The following PSMB7 variants were observed in gnomAD, a reference collection of about 807,000 sequenced individuals.
The protein encoded by PSMB7 is proteasome 20S subunit beta 7.
PSMB7 carries 5 observed loss-of-function variants against 28.1 expected under a neutral mutation model. The ratio of observed to expected loss-of-function variants is 0.18; its 90% CI spans 0.09 to 0.37. PSMB7 has a LOEUF of 0.37. Among genes scored for constraint, PSMB7 ranks in the 10% least tolerant of loss-of-function variants. The probability of loss-of-function intolerance (pLI) is 1.00; values close to 1 mark genes in which losing one functional copy is unlikely to be tolerated. For synonymous variants in PSMB7, 122 were observed against 123.7 expected, an observed-to-expected ratio of 0.99 and a Z score of 0.09; for missense variants, 275 against 346.2, an observed-to-expected ratio of 0.79 and a Z score of 1.63.
intron 6 of PSMB7, among the ~76,000 whole-genome samples, chr9:124,357,373 C>T (rs1165377138): frequency 2.0e-5 from 3 of 152,158 alleles, no homozygotes; most frequent in African/African-American, 7.2e-5. Flanking sequence ...AGATCTGGCC[C>T]ACTGACTGCA....
intron 6 of PSMB7, among the ~76,000 whole-genome samples, chr9:124,359,650 G>A (rs1246703380): frequency 6.6e-6 from 1 of 152,220 alleles, no homozygotes; most frequent in Non-Finnish European, 1.5e-5. Flanking sequence ...CCTGACTCAA[G>A]GCTGTGTCAT....
chr9:124,371,302 A>G (rs1402453585), intron 6 of PSMB7, among the ~76,000 whole-genome samples: 8 of 152,248 alleles, frequency 5.3e-5, no homozygotes, highest in Non-Finnish European at 5.9e-5. Flanking sequence ...ACTCGGTCCT[A>G]TATTTCATTT....
At chr9:124,394,046 C>T (rs576257349) in intron 5 of PSMB7, among the ~76,000 whole-genome samples, 76 of 152,346 alleles carry the variant, frequency 5.0e-4, no homozygotes, top group Middle Eastern at 3.4e-3. Flanking sequence ...TAAAGGTCCC[C>T]TTTACTCAGG....
At chr9:124,404,691 A>C (rs964082569) in intron 5 of PSMB7, among the ~76,000 whole-genome samples, 1 of 152,098 alleles carries the variant, frequency 6.6e-6, no homozygotes, top group Non-Finnish European at 1.5e-5. Flanking sequence ...ATCTCTACTA[A>C]AACTACAAAA....
In PSMB7 at chr9:124,384,650, C is replaced by T; in HGVS notation, c.518G>A (p.Gly173Asp). ...AAATACAGCCATTGCTGCCAAGGAG[C>T]CAGAACCTGCAAGAAAAAGGTGCAC... ...DKLPYVTMGS[G>D]SLAAMAVFED... The change falls in exon 6 of 8, where the codon GGC becomes GAC. Residue 173 changes from glycine to aspartate, a missense_variant. Physicochemically the swap from Gly to Asp is moderately conservative, Grantham distance 94. Transcript: ENST00000259457. 1 of 1,613,376 alleles carries T rather than the reference C, an allele frequency of 6.2e-7. No homozygotes were observed. The highest frequency in any genetic ancestry group is 8.5e-7 in the Non-Finnish European group (1 of 1,179,670).
intron 6 of PSMB7, among the ~76,000 whole-genome samples, chr9:124,376,737 C>G (rs567035702): frequency 1.3e-5 from 2 of 152,306 alleles, no homozygotes; most frequent in African/African-American, 4.8e-5. Flanking sequence ...GAAAGAATGA[C>G]AAAGAGGCAG....
chr9:124,395,961 G>T (rs1365017017), intron 5 of PSMB7, among the ~76,000 whole-genome samples: 1 of 152,222 alleles, frequency 6.6e-6, no homozygotes, highest in African/African-American at 2.4e-5. Flanking sequence ...CAGGGACACA[G>T]GGGCAATCCA....
At chr9:124,400,311 G>A (rs538198154) in intron 5 of PSMB7, among the ~76,000 whole-genome samples, 36 of 152,332 alleles carry the variant, frequency 2.4e-4, no homozygotes, top group African/African-American at 7.0e-4. Context: ...CTCAGCATCC[G>A]TGAGGTGGTG....
intron 7 of PSMB7, among the ~76,000 whole-genome samples, chr9:124,354,465 T>C (rs992424660): frequency 9.9e-5 from 15 of 152,234 alleles, no homozygotes; most frequent in Non-Finnish European, 1.6e-4. Context: ...CTGTCAAACT[T>C]GCTGTCCTTC....
intron 4 of PSMB7, among the ~76,000 whole-genome samples, chr9:124,411,366 A>G (rs1831025908): frequency 6.6e-6 from 1 of 152,210 alleles, no homozygotes; most frequent in Admixed American, 6.5e-5. Flanking sequence ...AAATTTCCCT[A>G]CAAGCTGATG....
intron 4 of PSMB7, among the ~76,000 whole-genome samples, chr9:124,409,055 C>G (rs1830997597): frequency 1.3e-5 from 2 of 152,168 alleles, no homozygotes; most frequent in African/African-American, 4.8e-5. Context: ...GTAACAATCT[C>G]TTAGCACTAA....
At chr9:124,406,514 A>T (rs1216602034) in intron 4 of PSMB7, among the ~76,000 whole-genome samples, 2 of 151,600 alleles carry the variant, frequency 1.3e-5, no homozygotes, top group East Asian at 3.9e-4. Context: ...AAAAAAAAAA[A>T]AAAAAAGTAT....
intron 5 of PSMB7, among the ~76,000 whole-genome samples, chr9:124,396,365 C>T (rs552696582): frequency 1.3e-5 from 2 of 152,188 alleles, no homozygotes; most frequent in East Asian, 1.9e-4. Context: ...TTTAGCGTAA[C>T]GATGGCAAAT....
intron 7 of PSMB7, among the ~76,000 whole-genome samples, chr9:124,354,604 G>A (rs1187835654): frequency 6.6e-6 from 1 of 152,204 alleles, no homozygotes; most frequent in African/African-American, 2.4e-5. Context: ...CCACAGTTCT[G>A]CATCCAGGTC....
chr9:124,366,125 C>G (rs568501732), intron 6 of PSMB7, among the ~76,000 whole-genome samples: 2 of 152,074 alleles, frequency 1.3e-5, no homozygotes, highest in African/African-American at 4.8e-5. Context: ...TAGAGAAAAG[C>G]TTATAGGCCA....
At chr9:124,371,839 A>C (rs1018976486) in intron 6 of PSMB7, among the ~76,000 whole-genome samples, 1 of 151,934 alleles carries the variant, frequency 6.6e-6, no homozygotes, top group African/African-American at 2.4e-5. Context: ...TCTAGCTCTC[A>C]CCTCTCTCTC....
intron 6 of PSMB7, among the ~76,000 whole-genome samples, chr9:124,369,102 G>C (rs1015551687): frequency 1.1e-4 from 17 of 152,068 alleles, no homozygotes; most frequent in Admixed American, 1.1e-3. Flanking sequence ...AACATGACAG[G>C]GTGACAATGA....
In PSMB7 at chr9:124,412,435, G is replaced by A; in HGVS notation, c.312C>T (p.Ser104=). The A allele has an allele frequency of 1.2e-6, 2 of 1,614,126 alleles. No individual in the cohort carries two copies. Among genetic ancestry groups the A allele is most frequent in the Non-Finnish European group, 1.7e-6 (2 of 1,179,988 alleles). ...TGGAGAGGGAGTGGAGCTCCAGGTTGGAAGAAATGAGCTGGGTTGTCATGT... is the reference window on the plus strand; with the variant it reads ...TGGAGAGGGAGTGGAGCTCCAGGTTAGAAGAAATGAGCTGGGTTGTCATGT... ...DTDMTTQLIS[S]NLELHSLSTG... is the part of the protein sequence containing the mutation. Residue 104 remains serine (S), a synonymous_variant, in exon 4 of 8, where the codon TCC becomes TCT. Transcript: ENST00000259457.
At chr9:124,354,288 CCTT>C (rs1234874071) in intron 7 of PSMB7, among the ~76,000 whole-genome samples, 4 of 152,224 alleles carry the variant, frequency 2.6e-5, no homozygotes, top group Non-Finnish European at 5.9e-5. Flanking sequence ...ACACCCAACA[CCTT>C]CTTCCTGGAG....
Sources: gnomAD v4.1 joint callset for allele counts (sites outside exome capture counted in the v4.1 genomes callset) on GRCh38, gnomAD v4.1.1 for gene constraint, MANE v1.5 for transcripts, NCBI Gene and HGNC (gene_info 2026-07-23, HGNC 2026-07-21) for gene names.